IL1RAPL1: variants seen among roughly 807,000 people sequenced by gnomAD.
IL1RAPL1 encodes the protein interleukin-1 receptor accessory protein-like 1.
IL1RAPL1 carries 3 observed loss-of-function variants against 48.4 expected under a neutral mutation model. The observed-to-expected ratio is 0.06, with a 90% CI of 0.03 to 0.16. IL1RAPL1 has a LOEUF of 0.16. Among genes scored for constraint, IL1RAPL1 ranks in the 10% least tolerant of loss-of-function variants. The pLI is 1.00. For missense variants in IL1RAPL1, 349 were observed against 530.6 expected, an observed-to-expected ratio of 0.66 and a Z score of 3.36; for synonymous variants, 185 against 187.7, an observed-to-expected ratio of 0.99 and a Z score of 0.12.
At chrX:29,657,114 G>A (rs1219981429) in intron 5 of IL1RAPL1, among the ~76,000 whole-genome samples, 2 of 111,614 alleles carry the variant, frequency 1.8e-5, no homozygotes, top group South Asian at 3.8e-4. Flanking sequence ...TGTATCAACA[G>A]CTCCATGTTA....
At position 29,618,332 on chromosome X, in the gene IL1RAPL1, A is replaced by C. The variant is rs182707408; in HGVS notation, c.704-50098A>C. On this transcript the variant is annotated intron_variant, in intron 5 of 10. Coordinates refer to ENST00000378993, the MANE Select transcript of IL1RAPL1 (RefSeq NM_014271.4). ...CTTTCAAATATTTATATCTTTTGTAAGATAATATTTTTCATGTAATCCTAG... is the reference window on the plus strand; with the variant it reads ...CTTTCAAATATTTATATCTTTTGTACGATAATATTTTTCATGTAATCCTAG... Among the ~76,000 whole-genome samples, 350 of 111,737 alleles carry C rather than the reference A, an allele frequency of 3.1e-3. 3 individuals are homozygous for C. The highest frequency in any genetic ancestry group is 5.4e-3 in the Admixed American group (56 of 10,463).
chrX:29,549,725 G>T (rs1261332963), intron 5 of IL1RAPL1, among the ~76,000 whole-genome samples: 1 of 111,895 alleles, frequency 8.9e-6, no homozygotes, highest in Non-Finnish European at 1.9e-5. Flanking sequence ...TATGCATATG[G>T]CTTTCTAGGT....
chrX:28,828,629 T>G (rs1920987513), intron 2 of IL1RAPL1, among the ~76,000 whole-genome samples: 1 of 112,205 alleles, frequency 8.9e-6, no homozygotes, highest in African/African-American at 3.2e-5. Context: ...TATTTTGAAA[T>G]ATAAATATGT....
At chrX:28,632,050 T>C (rs1373396346) in intron 1 of IL1RAPL1, among the ~76,000 whole-genome samples, 1 of 112,420 alleles carries the variant, frequency 8.9e-6, no homozygotes, top group Admixed American at 9.4e-5. Flanking sequence ...AGGCATATGG[T>C]ATAATCTCAC....
intron 5 of IL1RAPL1, among the ~76,000 whole-genome samples, chrX:29,501,913 A>G (rs1602267003): frequency 9.2e-6 from 1 of 109,077 alleles, no homozygotes; most frequent in Admixed American, 9.9e-5. Context: ...TTTGAGTAGC[A>G]TTGTCATTTT....
chrX:29,782,887 C>CTTTTTTTTTT lies in IL1RAPL1; in HGVS notation c.778+114383_778+114384insTTTTTTTTTT, dbSNP rs1569167260. Among the ~76,000 whole-genome samples the CTTTTTTTTTT allele has an allele frequency of 1.0e-4, 6 of 59,856 alleles. 1 individual carries two copies. The highest frequency in any genetic ancestry group is 3.9e-4 in the African/African-American group (6 of 15,471). The allele number at this position is 59,856 out of a possible 115,157, so 52.0% of individuals were successfully genotyped here. ...GGAAGATAAAATGGGTTGATCGTGA[C>CTTTTTTTTTT]ATTTTTTTTTTTTTTTTTTTTTTTT... On this transcript the variant is annotated intron_variant, in intron 6 of 10. Coordinates refer to ENST00000378993, the MANE Select transcript of IL1RAPL1 (RefSeq NM_014271.4).
intron 6 of IL1RAPL1, among the ~76,000 whole-genome samples, chrX:29,897,140 T>C (rs1932401003): frequency 8.9e-6 from 1 of 112,440 alleles, no homozygotes; most frequent in Non-Finnish European, 1.9e-5. Flanking sequence ...GGAAGTTATG[T>C]AGAAATCTGA....
intron 3 of IL1RAPL1, among the ~76,000 whole-genome samples, chrX:29,378,703 A>G (rs952598994): frequency 1.8e-5 from 2 of 112,437 alleles, no homozygotes; most frequent in Non-Finnish European, 3.8e-5. Flanking sequence ...AATAACGGTC[A>G]GTAGATAGGC....
chrX:29,173,937 T>C (rs1354929980), intron 2 of IL1RAPL1, among the ~76,000 whole-genome samples: 1 of 110,402 alleles, frequency 9.1e-6, no homozygotes, highest in African/African-American at 3.3e-5. Flanking sequence ...TTTTTTTTTT[T>C]GAGACGGAGT....
intron 3 of IL1RAPL1, among the ~76,000 whole-genome samples, chrX:29,372,826 A>C (rs1198078262): frequency 1.2e-4 from 9 of 72,955 alleles, no homozygotes; most frequent in African/African-American, 4.6e-4. Context: ...TGGTTACTGT[A>C]GCCTTATGGT....
intron 2 of IL1RAPL1, among the ~76,000 whole-genome samples, chrX:29,236,535 C>CTTT (rs759738945): frequency 1.4e-4 from 8 of 59,005 alleles, no homozygotes; most frequent in Middle Eastern, 9.1e-3. Flanking sequence ...CTTTCTTTTT[C>CTTT]TTTTTTTTTC....
rs1419060731 is a variant in IL1RAPL1, at chrX:29,813,615, G to A, written c.779-103849G>A. Among the ~76,000 whole-genome samples, 38 of 109,997 alleles carry A rather than the reference G, an allele frequency of 3.5e-4. No homozygotes were observed. In the Admixed American group the frequency reaches 3.6e-3, roughly 10 times the overall value. On this transcript the variant is annotated intron_variant, in intron 6 of 10. Coordinates refer to ENST00000378993, the MANE Select transcript of IL1RAPL1 (RefSeq NM_014271.4). ...ATTTCAACTTTTATTTTAGATTTGG[G>A]GGTACATGTGCAGATGTGTTACATG...
chrX:29,179,313 T>C (rs1489610533), intron 2 of IL1RAPL1, among the ~76,000 whole-genome samples: 1 of 111,612 alleles, frequency 9.0e-6, no homozygotes, highest in East Asian at 2.8e-4. Context: ...GTCCTTCACA[T>C]CCCTTGTAAG....
At chrX:28,964,398 C>T (rs781120649) in intron 2 of IL1RAPL1, among the ~76,000 whole-genome samples, 15 of 111,485 alleles carry the variant, frequency 1.3e-4, no homozygotes, top group East Asian at 2.8e-4. Context: ...GTATTCCATA[C>T]GATGGATATA....
At chrX:29,567,656 T>C (rs1922454107) in intron 5 of IL1RAPL1, among the ~76,000 whole-genome samples, 2 of 111,798 alleles carry the variant, frequency 1.8e-5, no homozygotes, top group Non-Finnish European at 3.8e-5. Context: ...ATTGATGCAG[T>C]TCATGTCAGT....
intron 6 of IL1RAPL1, among the ~76,000 whole-genome samples, chrX:29,906,496 T>TTTC (rs1932630262): frequency 1.9e-5 from 1 of 51,982 alleles, no homozygotes; most frequent in Non-Finnish European, 3.6e-5. Flanking sequence ...TATATATATA[T>TTTC]ATATATATAT....
chrX:28,742,182 C>T (rs1341621853), intron 1 of IL1RAPL1, among the ~76,000 whole-genome samples: 2 of 110,519 alleles, frequency 1.8e-5, no homozygotes, highest in African/African-American at 6.6e-5. Context: ...TACAACTAGC[C>T]GAAAATGGTC....
intron 3 of IL1RAPL1, among the ~76,000 whole-genome samples, chrX:29,333,413 C>CCCCA (rs1569288047): frequency 1.3e-4 from 13 of 99,581 alleles, no homozygotes; most frequent in Non-Finnish European, 1.9e-4. Context: ...GGGCTGACCC[C>CCCCA]CCCACCTCCC....
chrX:29,157,741 C>T (rs1929597401), intron 2 of IL1RAPL1, among the ~76,000 whole-genome samples: 2 of 111,016 alleles, frequency 1.8e-5, no homozygotes, highest in African/African-American at 6.5e-5. Context: ...GAAATTAGCC[C>T]ACCAGTATGA....
Sources: gnomAD v4.1 joint callset for allele counts (sites outside exome capture counted in the v4.1 genomes callset) on GRCh38, gnomAD v4.1.1 for gene constraint, MANE v1.5 for transcripts, NCBI Gene and HGNC (gene_info 2026-07-23, HGNC 2026-07-21) for gene names.